POTEB2: variants seen among roughly 807,000 people sequenced by gnomAD.
POTEB2 encodes POTE ankyrin domain family member B2, also known as POTE ankyrin domain family, member B2.
Under a neutral mutation model 1.8 loss-of-function variants are expected in POTEB2, and 1 was observed. The observed-to-expected ratio is 0.55, with a 90% CI of 0.20 to 2.62. The LOEUF is 2.62. Ranked by LOEUF, POTEB2 falls within the 30% of genes most tolerant of loss-of-function variation. POTEB2 has a pLI of 0.24.
At chr15:20,847,959 GA>G (rs1246078134) in intron 7 of POTEB2, among the ~76,000 whole-genome samples, 1 of 22,476 alleles carries the variant, frequency 4.4e-5, no homozygotes, top group East Asian at 1.6e-3. Flanking sequence ...ATCTGTGACT[GA>G]CAATATAAAA....
chr15:20,839,868 TTATATATATATATATATA>T lies in POTEB2; in HGVS notation c.1299-2519_1299-2502del, dbSNP rs749566271. Reference sequence around the variant, plus strand: ...CAACTGATGAGTGGAATAAAGAAAATTATATATATATATATATATATATATATATATATATATATATAT... The same window carrying T: ...CAACTGATGAGTGGAATAAAGAAAATTATATATATATATATATATATATAT... On this transcript the variant is annotated intron_variant, in intron 9 of 10. Coordinates refer to ENST00000454856, the MANE Select transcript of POTEB2 (RefSeq NM_001277303.1). Among the ~76,000 whole-genome samples, 5 of 10,970 alleles carry T rather than the reference TTATATATATATATATATA, an allele frequency of 4.6e-4. 1 individual carries two copies. Among genetic ancestry groups the T allele is most frequent in the African/African-American group, 1.7e-3 (3 of 1,810 alleles). 7.2% of individuals were successfully genotyped at this position (10,970 alleles called of 152,430 possible).
At chr15:20,860,438 C>CAA (rs1446354770) in intron 3 of POTEB2, among the ~76,000 whole-genome samples, 6 of 41,696 alleles carry the variant, frequency 1.4e-4, no homozygotes, top group African/African-American at 4.3e-4. Flanking sequence ...CACACACACA[C>CAA]AAACAAAAAC....
At chr15:20,843,410 A>T (rs1458933093) in intron 9 of POTEB2, among the ~76,000 whole-genome samples, 1 of 24,516 alleles carries the variant, frequency 4.1e-5, no homozygotes, top group African/African-American at 2.1e-4. Context: ...GACCATGATG[A>T]ATGGACTAGA....
intron 10 of POTEB2, among the ~76,000 whole-genome samples, chr15:20,836,384 T>TAC (rs746016487): frequency 0.023 from 1,274 of 55,206 alleles, 32 homozygotes; most frequent in African/African-American, 0.037. Context: ...CCATCTAGAA[T>TAC]ACACACACAC....
intron 9 of POTEB2, among the ~76,000 whole-genome samples, chr15:20,843,050 CA>C (rs1326438830): frequency 2.0e-4 from 2 of 10,032 alleles, no homozygotes; most frequent in African/African-American, 8.0e-4. Flanking sequence ...GTAATCCCAA[CA>C]GTTTGTGAGA....
At chr15:20,843,446 G>T (rs1410085722) in intron 9 of POTEB2, among the ~76,000 whole-genome samples, 3 of 27,530 alleles carry the variant, frequency 1.1e-4, no homozygotes, top group Non-Finnish European at 1.9e-4. Flanking sequence ...GCCTGAGGGA[G>T]TGAGGTCCTG....
At chr15:20,860,438 C>CAAACAA (rs1259495696) in intron 3 of POTEB2, among the ~76,000 whole-genome samples, 3 of 41,692 alleles carry the variant, frequency 7.2e-5, no homozygotes, top group African/African-American at 4.3e-4. Flanking sequence ...CACACACACA[C>CAAACAA]AAACAAAAAC....
chr15:20,839,871 TATATATATATATATATATATATATATA>T (rs1566887680), intron 9 of POTEB2, among the ~76,000 whole-genome samples: 13 of 418 alleles, frequency 0.031, no homozygotes, highest in African/African-American at 0.065. Flanking sequence ...AAGAAAATTA[TATATATATATATATATATATATATATA>T]TATATATATA....
At chr15:20,836,390 C>CACATAT (rs376001611) in intron 10 of POTEB2, among the ~76,000 whole-genome samples, 1 of 76,638 alleles carries the variant, frequency 1.3e-5, no homozygotes, top group Admixed American at 1.9e-4. Flanking sequence ...AGAATACACA[C>CACATAT]ACACACACAC....
intron 10 of POTEB2, among the ~76,000 whole-genome samples, chr15:20,836,384 T>TACACACACAC (rs746016487): frequency 1.8e-4 from 10 of 55,690 alleles, no homozygotes; most frequent in African/African-American, 4.8e-4. Context: ...CCATCTAGAA[T>TACACACACAC]ACACACACAC....
chr15:20,836,476 C>T (rs766408273), intron 10 of POTEB2, among the ~76,000 whole-genome samples: 21,886 of 46,816 alleles, frequency 0.47, 4,239 homozygotes, highest in East Asian at 0.75. Flanking sequence ...GTTAGTGATC[C>T]TCCACAAAAT....
chr15:20,839,216 TAA>T (rs1555393660), intron 9 of POTEB2, among the ~76,000 whole-genome samples: 39 of 110,766 alleles, frequency 3.5e-4, no homozygotes, highest in East Asian at 1.5e-3. Context: ...AAAATAAAAA[TAA>T]ATAAATAAAT....
At chr15:20,839,266 T>G (rs1449430433) in intron 9 of POTEB2, among the ~76,000 whole-genome samples, 1 of 113,994 alleles carries the variant, frequency 8.8e-6, no homozygotes, top group African/African-American at 3.9e-5. Context: ...CTAAAAAGCT[T>G]CAGCACAGCA....
chr15:20,860,437 AC>A (rs1420090008), intron 3 of POTEB2, among the ~76,000 whole-genome samples: 9 of 39,124 alleles, frequency 2.3e-4, no homozygotes, highest in African/African-American at 8.2e-4. Flanking sequence ...ACACACACAC[AC>A]AAACAAAAAC....
chr15:20,846,518 G>A (rs1176556082), intron 8 of POTEB2, among the ~76,000 whole-genome samples: 888 of 40,254 alleles, frequency 0.022, 371 homozygotes, highest in Non-Finnish European at 0.029. Flanking sequence ...GCCTTTGATC[G>A]TTCTTTTTTC....
At chr15:20,836,413 A>ACT in intron 10 of POTEB2, among the ~76,000 whole-genome samples, 1 of 84,456 alleles carries the variant, frequency 1.2e-5, no homozygotes, top group Non-Finnish European at 2.4e-5. Flanking sequence ...ACACACACAC[A>ACT]CACATATATA....
At position 20,836,416 on chromosome 15, in the gene POTEB2, C is replaced by CACACACAT. The variant is rs1349210388; in HGVS notation, c.1423-814_1423-813insATGTGTGT. On this transcript the variant is annotated intron_variant, in intron 10 of 10. Coordinates refer to ENST00000454856, the MANE Select transcript of POTEB2 (RefSeq NM_001277303.1). The stretch of plus-strand genomic sequence containing the variant: ...ACACACACACACACACACACACACA[C>CACACACAT]ATATATATATGCAACGTGCAAGATT... 3.8e-3 allele frequency among the ~76,000 whole-genome samples: 312 copies of CACACACAT among 82,932 alleles called. 2 individuals carry two copies. Among genetic ancestry groups the CACACACAT allele is most frequent in the African/African-American group, 0.013 (287 of 22,960 alleles). The allele number at this position is 82,932 out of a possible 152,430, so 54.4% of individuals were successfully genotyped here.
intron 9 of POTEB2, among the ~76,000 whole-genome samples, chr15:20,839,464 A>C (rs2140594607): frequency 2.4e-5 from 1 of 41,082 alleles, no homozygotes; most frequent in Non-Finnish European, 4.0e-5. Flanking sequence ...AAGAAGATGT[A>C]CAAATGGTGA....
intron 10 of POTEB2, among the ~76,000 whole-genome samples, chr15:20,836,341 A>G (rs1398469824): frequency 3.4e-5 from 2 of 59,392 alleles, no homozygotes; most frequent in African/African-American, 6.4e-5. Flanking sequence ...AGTTTGTGCC[A>G]TTGCACTCCA....
Sources: gnomAD v4.1 joint callset for allele counts (sites outside exome capture counted in the v4.1 genomes callset) on GRCh38, gnomAD v4.1.1 for gene constraint, MANE v1.5 for transcripts, NCBI Gene and HGNC (gene_info 2026-07-23, HGNC 2026-07-21) for gene names.